The following MAPK10 variants were observed in gnomAD, a reference collection of about 807,000 sequenced individuals.
MAPK10 encodes JNK3 alpha protein kinase.
Under a neutral mutation model 59.3 loss-of-function variants are expected in MAPK10, and 25 were observed. That is an observed-to-expected ratio of 0.42 (90% CI 0.31 to 0.59). MAPK10 has a LOEUF of 0.59. Ranked by LOEUF, MAPK10 falls within the 20% of genes least tolerant of loss-of-function variation. The probability of loss-of-function intolerance (pLI) is 0.15; values close to 1 mark genes in which losing one functional copy is unlikely to be tolerated. For missense variants in MAPK10, 351 were observed against 568.9 expected, an observed-to-expected ratio of 0.62 and a Z score of 3.90; for synonymous variants, 190 against 200.5, an observed-to-expected ratio of 0.95 and a Z score of 0.44.
At chr4:86,435,272 G>A (rs531593321) in intron 1 of MAPK10, among the ~76,000 whole-genome samples, 182 of 152,150 alleles carry the variant, frequency 1.2e-3, no homozygotes, top group Non-Finnish European at 2.2e-3. Flanking sequence ...TGAGGCGGGC[G>A]GATTACCTGA....
At chr4:86,398,302 T>A (rs1385007329) in intron 1 of MAPK10, among the ~76,000 whole-genome samples, 1 of 152,204 alleles carries the variant, frequency 6.6e-6, no homozygotes, top group Admixed American at 6.5e-5. Context: ...GTATTTATTT[T>A]AGGTCAGATG....
chr4:86,213,787 C>G (rs2086545540), intron 2 of MAPK10, among the ~76,000 whole-genome samples: 1 of 152,002 alleles, frequency 6.6e-6, no homozygotes, highest in Admixed American at 6.6e-5. Context: ...TACCATTCTA[C>G]CATACAAAGA....
At chr4:86,239,117 G>A (rs2092517310) in intron 2 of MAPK10, among the ~76,000 whole-genome samples, 1 of 152,120 alleles carries the variant, frequency 6.6e-6, no homozygotes, top group African/African-American at 2.4e-5. Context: ...TGTGGTTTTT[G>A]TCTTTGGTTC....
intron 2 of MAPK10, among the ~76,000 whole-genome samples, chr4:86,234,837 C>T (rs552343349): frequency 6.6e-6 from 1 of 152,218 alleles, no homozygotes; most frequent in South Asian, 2.1e-4. Flanking sequence ...ACCTCTAAGA[C>T]CCTTTCGGGA....
In MAPK10 at chr4:86,475,319, C is replaced by T. The variant is rs551093484; in HGVS notation, c.-263+118591G>A. Among the ~76,000 whole-genome samples, 23 of 152,292 alleles carry T rather than the reference C, an allele frequency of 1.5e-4. No homozygotes were observed. In the East Asian group the frequency reaches 2.1e-3, roughly 14 times the overall value. ...TTGCTCCATGAGAAAGATCTACCTA[C>T]GACCTCGGGTCCTCAGACCGACCAG... On this transcript the variant is annotated intron_variant, in intron 1 of 4. Transcript: ENST00000502302.
intron 2 of MAPK10, among the ~76,000 whole-genome samples, chr4:86,335,949 T>C (rs1039181521): frequency 3.9e-5 from 6 of 152,166 alleles, no homozygotes; most frequent in Admixed American, 6.5e-5. Context: ...GAGATTACAA[T>C]TGAGATGATA....
chr4:86,556,695 G>A (rs1760295536), intron 1 of MAPK10, among the ~76,000 whole-genome samples: 1 of 152,088 alleles, frequency 6.6e-6, no homozygotes, highest in Non-Finnish European at 1.5e-5. Flanking sequence ...ATTAAATGCT[G>A]AGCAAAGGAA....
At chr4:86,280,752 C>T (rs1373711078) in intron 2 of MAPK10, among the ~76,000 whole-genome samples, 1 of 152,084 alleles carries the variant, frequency 6.6e-6, no homozygotes, top group African/African-American at 2.4e-5. Flanking sequence ...CCATGGAATA[C>T]TATGAAGCCA....
At chr4:86,537,426 A>G (rs541215360) in intron 1 of MAPK10, among the ~76,000 whole-genome samples, 1 of 152,334 alleles carries the variant, frequency 6.6e-6, no homozygotes, top group East Asian at 1.9e-4. Context: ...ATATCCCAAT[A>G]GTAATAATTG....
intron 1 of MAPK10, among the ~76,000 whole-genome samples, chr4:86,388,100 G>A (rs192344448): frequency 1.3e-5 from 2 of 151,544 alleles, no homozygotes; most frequent in Non-Finnish European, 2.9e-5. Flanking sequence ...CTGTAATCGG[G>A]TTAGAAAATC....
At chr4:86,203,880 T>C (rs1235277651) in intron 2 of MAPK10, among the ~76,000 whole-genome samples, 1 of 151,812 alleles carries the variant, frequency 6.6e-6, no homozygotes, top group African/African-American at 2.4e-5. Context: ...TTTAATTTTC[T>C]AATAAGAACT....
chr4:86,380,692 T>G (rs996750915), intron 1 of MAPK10, among the ~76,000 whole-genome samples: 8 of 152,156 alleles, frequency 5.3e-5, no homozygotes, highest in African/African-American at 1.9e-4. Flanking sequence ...GATAAATACA[T>G]TATGCATGTT....
chr4:86,098,062 G>A (rs990836000), intron 9 of MAPK10, among the ~76,000 whole-genome samples: 20 of 152,018 alleles, frequency 1.3e-4, no homozygotes, highest in East Asian at 1.9e-4. Context: ...ATTTAGTGTC[G>A]AGTAATTTAA....
At chr4:86,445,542 T>C (rs1044063877) in intron 1 of MAPK10, among the ~76,000 whole-genome samples, 4 of 152,150 alleles carry the variant, frequency 2.6e-5, no homozygotes, top group Non-Finnish European at 4.4e-5. Context: ...CTGCACATCC[T>C]ACACGTGTGC....
At chr4:86,032,890 A>G (rs2039375973) in intron 11 of MAPK10, among the ~76,000 whole-genome samples, 1 of 152,230 alleles carries the variant, frequency 6.6e-6, no homozygotes, top group Non-Finnish European at 1.5e-5. Context: ...ATACTGGGGC[A>G]GAAGGCTGTA....
intron 1 of MAPK10, among the ~76,000 whole-genome samples, chr4:86,442,224 T>C (rs1236753010): frequency 6.6e-6 from 1 of 152,210 alleles, no homozygotes; most frequent in Non-Finnish European, 1.5e-5. Flanking sequence ...ACAATAATAA[T>C]CCATATAATG....
At chr4:86,263,491 C>A (rs192649621) in intron 2 of MAPK10, among the ~76,000 whole-genome samples, 2 of 152,258 alleles carry the variant, frequency 1.3e-5, no homozygotes, top group Admixed American at 1.3e-4. Flanking sequence ...TTCCTCATTG[C>A]CCTCCCTCCA....
intron 3 of MAPK10, among the ~76,000 whole-genome samples, chr4:86,173,098 A>C (rs2074758396): frequency 6.7e-6 from 1 of 150,032 alleles, no homozygotes; most frequent in Non-Finnish European, 1.5e-5. Flanking sequence ...GACATTCTTC[A>C]CAGAATTAGA....
chr4:86,064,663 G>A (rs1007490887), intron 10 of MAPK10: 4 of 388,392 alleles, frequency 1.0e-5, no homozygotes, highest in Non-Finnish European at 1.9e-5. Context: ...TCAACCTGGA[G>A]AGTTTATGTA....
Sources: gnomAD v4.1 joint callset for allele counts (sites outside exome capture counted in the v4.1 genomes callset) on GRCh38, gnomAD v4.1.1 for gene constraint, MANE v1.5 for transcripts, NCBI Gene and HGNC (gene_info 2026-07-23, HGNC 2026-07-21) for gene names.